INPP5F: variants seen among roughly 807,000 people sequenced by gnomAD.
INPP5F encodes inositol polyphosphate-5-phosphatase F, also known as phosphatidylinositide 4-phosphatase SAC2.
In INPP5F, 97 loss-of-function variants were observed where a neutral mutation model predicts 137.2. The ratio of observed to expected loss-of-function variants is 0.71; its 90% CI spans 0.60 to 0.84. The LOEUF (loss-of-function observed/expected upper bound fraction) is 0.84. INPP5F is among the 40% of genes least tolerant of loss of function. INPP5F has a pLI of 0.00. For missense variants in INPP5F, 1,271 were observed against 1,371.9 expected (o/e 0.93, Z 1.16); for synonymous variants, 504 against 476.9 (o/e 1.06, Z -0.74).
At chr10:119,791,397 T>A in intron 3 of INPP5F, 120 bp from the exon 4 acceptor site, 1 of 760,628 alleles carries the variant, frequency 1.3e-6, no homozygotes, top group Non-Finnish European at 2.2e-6. Flanking sequence ...CTTGATAATT[T>A]TTCTAACTCT....
At chr10:119,730,655 T>A (rs1330526357) in intron 1 of INPP5F, among the ~76,000 whole-genome samples, 1 of 152,200 alleles carries the variant, frequency 6.6e-6, no homozygotes, top group East Asian at 1.9e-4. Context: ...TGTGTGTAAA[T>A]TATATAATAA....
chr10:119,806,810 TC>T (rs1318872695), intron 12 of INPP5F, among the ~76,000 whole-genome samples: 10 of 150,942 alleles, frequency 6.6e-5, no homozygotes, highest in Non-Finnish European at 1.5e-4. Context: ...ATACTGCATT[TC>T]TTTTTTTTTT....
At chr10:119,749,886 C>T (rs1219760573) in intron 1 of INPP5F, among the ~76,000 whole-genome samples, 1 of 152,196 alleles carries the variant, frequency 6.6e-6, no homozygotes, top group Non-Finnish European at 1.5e-5. Context: ...TCAAGTGATT[C>T]TCCTGCCTCA....
intron 6 of INPP5F, among the ~76,000 whole-genome samples, chr10:119,792,512 AT>A (rs1433167019): frequency 7.3e-6 from 1 of 137,016 alleles, no homozygotes; most frequent in African/African-American, 2.8e-5. Context: ...CAAAAGAGGT[AT>A]TTTCTTTCTA....
At chr10:119,826,188 C>T (rs1449338664) in intron 19 of INPP5F, among the ~76,000 whole-genome samples, 1 of 152,322 alleles carries the variant, frequency 6.6e-6, no homozygotes, top group African/African-American at 2.4e-5. Context: ...CTGTGCTAGA[C>T]CCGCACTGCT....
intron 3 of INPP5F, among the ~76,000 whole-genome samples, chr10:119,786,527 A>G (rs1464431748): frequency 6.6e-6 from 1 of 152,148 alleles, no homozygotes; most frequent in Non-Finnish European, 1.5e-5. Context: ...TAACATACTC[A>G]CTGGAAATGT....
At chr10:119,771,845 G>GAGATATATATATATATAT (rs1445944351) in intron 2 of INPP5F, among the ~76,000 whole-genome samples, 2 of 32,796 alleles carry the variant, frequency 6.1e-5, no homozygotes, top group Admixed American at 6.3e-4. Flanking sequence ...AAAGTATGGA[G>GAGATATATATATATATAT]ATATATATAT....
At chr10:119,800,013 G>A (rs931490339) in intron 9 of INPP5F, among the ~76,000 whole-genome samples, 14 of 151,238 alleles carry the variant, frequency 9.3e-5, no homozygotes, top group South Asian at 4.2e-4. Flanking sequence ...CTTTAAATTC[G>A]TTTTTATTAA....
chr10:119,805,754 TCTTTCTCACTGTTC>T (rs1201517711), intron 11 of INPP5F, among the ~76,000 whole-genome samples: 1 of 152,198 alleles, frequency 6.6e-6, no homozygotes, highest in Non-Finnish European at 1.5e-5. Flanking sequence ...CTCTTTCTCC[TCTTTCTCACTGTTC>T]CTAACACAGG....
At chr10:119,800,733 G>T (rs2134232533) in intron 9 of INPP5F, among the ~76,000 whole-genome samples, 1 of 152,000 alleles carries the variant, frequency 6.6e-6, no homozygotes, top group Non-Finnish European at 1.5e-5. Context: ...CACCAGAATG[G>T]CTAACATAAA....
intron 15 of INPP5F, among the ~76,000 whole-genome samples, chr10:119,817,901 C>T (rs1851343310): frequency 6.6e-6 from 1 of 152,186 alleles, no homozygotes; most frequent in South Asian, 2.1e-4. Context: ...AAAATCTGTA[C>T]CAGAGACCAG....
chr10:119,791,943 A>G lies in INPP5F; in HGVS notation c.519A>G (p.Ser173=), dbSNP rs1290601704. 6.8e-6 allele frequency: 11 copies of G among 1,614,004 alleles called. No individual in the cohort carries two copies. Among genetic ancestry groups the G allele is most frequent in the African/African-American group, 1.3e-5 (1 of 74,948 alleles). The change falls in exon 5 of 20, where the codon TCA becomes TCG. Residue 173 remains serine (S), a synonymous_variant. Transcript: ENST00000650623. ...AGTTGCTGAAGATGTTCATGGACTC[A>G]GAATCCTTTTATTATAGCTTGACCT... ...LEELLKMFMD[S]ESFYYSLTYD... is the part of the protein sequence containing the mutation.
intron 1 of INPP5F, among the ~76,000 whole-genome samples, chr10:119,733,423 T>G (rs1848142027): frequency 6.6e-6 from 1 of 152,134 alleles, no homozygotes; most frequent in Admixed American, 6.5e-5. Flanking sequence ...ACAGGGGAGA[T>G]CTTTGAGCAG....
intron 1 of INPP5F, among the ~76,000 whole-genome samples, chr10:119,733,158 G>A (rs1291599909): frequency 6.6e-6 from 1 of 152,182 alleles, no homozygotes; most frequent in Non-Finnish European, 1.5e-5. Context: ...CCTATATGGA[G>A]AATTAAATAG....
At chr10:119,779,538 GCCT>G (rs1849636874) in intron 2 of INPP5F, among the ~76,000 whole-genome samples, 1 of 151,906 alleles carries the variant, frequency 6.6e-6, no homozygotes, top group Non-Finnish European at 1.5e-5. Flanking sequence ...TCCTACCTCA[GCCT>G]CCCGAGTAGC....
At chr10:119,738,671 A>G (rs1848286992) in intron 1 of INPP5F, among the ~76,000 whole-genome samples, 1 of 130,802 alleles carries the variant, frequency 7.6e-6, no homozygotes, top group Non-Finnish European at 1.7e-5. Flanking sequence ...ACACACACAC[A>G]CACACATTTT....
intron 6 of INPP5F, among the ~76,000 whole-genome samples, chr10:119,794,016 T>C (rs1322719389): frequency 6.6e-6 from 1 of 152,246 alleles, no homozygotes; most frequent in African/African-American, 2.4e-5. Flanking sequence ...TTTTATTTTT[T>C]ATGTTTGCAT....
In INPP5F at chr10:119,827,809, T is replaced by C; in HGVS notation, c.*29T>C. Reference sequence around the variant, plus strand: ...TTAGCCATAAGAATCCTTCCATGGCTTTTATTTAAAAATATGAAATTTTCA... The same window carrying C: ...TTAGCCATAAGAATCCTTCCATGGCCTTTATTTAAAAATATGAAATTTTCA... On this transcript the variant is annotated 3_prime_UTR_variant, in exon 20 of 20. Transcript: ENST00000650623. 6.8e-7 allele frequency: 1 copy of C among 1,470,770 alleles called. No homozygotes were observed. Among genetic ancestry groups the C allele is most frequent in the Non-Finnish European group, 9.3e-7 (1 of 1,080,690 alleles). 91.1% of individuals were successfully genotyped at this position (1,470,770 alleles called of 1,614,324 possible).
Position 119,811,054 on chromosome 10 carries a change from A to C in INPP5F, c.1688-703A>C, listed in dbSNP as rs371822678. Among the ~76,000 whole-genome samples the C allele has an allele frequency of 1.8e-4, 27 of 152,340 alleles. No individual in the cohort carries two copies. The South Asian group carries it at 5.6e-3, about 32-fold the overall frequency. On this transcript the variant is annotated intron_variant, in intron 14 of 19. Coordinates refer to ENST00000650623, the MANE Select transcript of INPP5F (RefSeq NM_014937.4). ...GATTTTAGCAGTTGATATTCAAGGA[A>C]AAAAGAAGATATCTTACTTCCATTC...
Sources: gnomAD v4.1 joint callset for allele counts (sites outside exome capture counted in the v4.1 genomes callset) on GRCh38, gnomAD v4.1.1 for gene constraint, MANE v1.5 for transcripts, NCBI Gene and HGNC (gene_info 2026-07-23, HGNC 2026-07-21) for gene names.